Variants in GRIN2A observed in about 807,000 individuals in gnomAD.
The protein encoded by GRIN2A is glutamate receptor ionotropic, NMDA 2A.
In GRIN2A, 22 loss-of-function variants were observed where a neutral mutation model predicts 113.4. The observed-to-expected ratio is 0.19, with a 90% CI of 0.14 to 0.28. The LOEUF is 0.28. GRIN2A is among the 10% of genes least tolerant of loss of function. The pLI is 1.00. For synonymous variants in GRIN2A, 827 were observed against 738.4 expected, an observed-to-expected ratio of 1.12 and a Z score of -1.94; for missense variants, 1,502 against 1,887.0, an observed-to-expected ratio of 0.80 and a Z score of 3.78.
intron 2 of GRIN2A, among the ~76,000 whole-genome samples, chr16:10,056,431 C>T (rs527328061): frequency 5.9e-5 from 9 of 152,254 alleles, no homozygotes; most frequent in African/African-American, 9.6e-5. Context: ...TCCCATTCTA[C>T]ACCTACCCAT....
intron 2 of GRIN2A, among the ~76,000 whole-genome samples, chr16:10,146,397 G>A (rs796701775): frequency 8.5e-5 from 13 of 152,188 alleles, no homozygotes; most frequent in African/African-American, 2.6e-4. Context: ...GAGCCACCAC[G>A]CCCAGCCCAT....
intron 4 of GRIN2A, among the ~76,000 whole-genome samples, chr16:9,873,839 T>G (rs778779141): frequency 6.6e-6 from 1 of 152,196 alleles, no homozygotes; most frequent in East Asian, 1.9e-4. Context: ...CACACTTTAA[T>G]TGTGGAAAGA....
At chr16:10,036,773 A>G (rs1242017258) in intron 2 of GRIN2A, among the ~76,000 whole-genome samples, 1 of 151,884 alleles carries the variant, frequency 6.6e-6, no homozygotes, top group African/African-American at 2.4e-5. Flanking sequence ...GATTGTATGC[A>G]TCTTCATACC....
chr16:9,789,029 A>C (rs894814848), intron 11 of GRIN2A, among the ~76,000 whole-genome samples: 2 of 152,168 alleles, frequency 1.3e-5, no homozygotes, highest in African/African-American at 4.8e-5. Flanking sequence ...GGTGTGAGCC[A>C]CTGCACCCAG....
In GRIN2A at chr16:9,899,853, C is replaced by G. The variant is rs576794648; in HGVS notation, c.1008-8753G>C. On this transcript the variant is annotated intron_variant, in intron 3 of 12. Transcript: ENST00000330684. Reference sequence around the variant, plus strand: ...ATCCTGCACACTAAATATTTGATTCCAGTACAACAACTGCCAAGAGGCAAT... The same window carrying G: ...ATCCTGCACACTAAATATTTGATTCGAGTACAACAACTGCCAAGAGGCAAT... Among the ~76,000 whole-genome samples, 4 of 152,250 alleles carry G rather than the reference C, an allele frequency of 2.6e-5. No individual in the cohort carries two copies. The South Asian group carries it at 8.3e-4, about 32-fold the overall frequency.
chr16:9,832,607 A>T (rs180679035), intron 8 of GRIN2A, among the ~76,000 whole-genome samples: 233 of 152,312 alleles, frequency 1.5e-3, no homozygotes, highest in Non-Finnish European at 2.4e-3. Context: ...GCCTCCTGGC[A>T]CGTAGTACCC....
chr16:9,994,195 C>A (rs1194385176), intron 2 of GRIN2A, among the ~76,000 whole-genome samples: 1 of 152,106 alleles, frequency 6.6e-6, no homozygotes, highest in Non-Finnish European at 1.5e-5. Flanking sequence ...GCTCATTTTT[C>A]CAATTTCCAA....
intron 2 of GRIN2A, among the ~76,000 whole-genome samples, chr16:10,064,234 A>G (rs9935774): frequency 0.095 from 14,463 of 152,178 alleles, 771 homozygotes; most frequent in African/African-American, 0.11. Flanking sequence ...AACAACCCCC[A>G]AAACTAGCCA....
chr16:10,124,193 CA>C (rs540108764), intron 2 of GRIN2A, among the ~76,000 whole-genome samples: 16 of 152,100 alleles, frequency 1.1e-4, no homozygotes, highest in African/African-American at 1.4e-4. Context: ...TTGTGTGTTC[CA>C]AAACCTAGGC....
intron 4 of GRIN2A, among the ~76,000 whole-genome samples, chr16:9,873,503 C>T (rs1011135508): frequency 2.6e-5 from 4 of 151,936 alleles, no homozygotes; most frequent in African/African-American, 7.3e-5. Context: ...GAGTTTGAGA[C>T]CAGCCTGAGA....
chr16:9,958,228 T>C (rs758108340), intron 2 of GRIN2A, among the ~76,000 whole-genome samples: 3 of 152,242 alleles, frequency 2.0e-5, no homozygotes, highest in Non-Finnish European at 4.4e-5. Context: ...GTTGTTATCA[T>C]AATTGCCATT....
intron 2 of GRIN2A, among the ~76,000 whole-genome samples, chr16:10,018,532 T>G (rs543758348): frequency 6.6e-6 from 1 of 152,278 alleles, no homozygotes; most frequent in African/African-American, 2.4e-5. Flanking sequence ...TATAGATGGC[T>G]GAGAGAACCC....
chr16:9,844,460 A>C (rs1303476381), intron 5 of GRIN2A, among the ~76,000 whole-genome samples: 1 of 152,236 alleles, frequency 6.6e-6, no homozygotes, highest in African/African-American at 2.4e-5. Flanking sequence ...TTCCTATTAC[A>C]GCCCTTGTGT....
At position 9,954,740 on chromosome 16, in the gene GRIN2A, A is replaced by T. The variant is rs187819703; in HGVS notation, c.415-16189T>A. On this transcript the variant is annotated intron_variant, in intron 2 of 12. Transcript: ENST00000330684. ...AAACAAAAAGGTTGGGATTTTAATG[A>T]GCCTTCTGCCTCTAAATAAATCTCT... Among the ~76,000 whole-genome samples the T allele has an allele frequency of 4.6e-5, 7 of 152,300 alleles. No individual in the cohort carries two copies. In the East Asian group the frequency reaches 1.4e-3, roughly 29 times the overall value.
chr16:10,051,573 T>C (rs2047360892), intron 2 of GRIN2A, among the ~76,000 whole-genome samples: 1 of 152,236 alleles, frequency 6.6e-6, no homozygotes, highest in Non-Finnish European at 1.5e-5. Flanking sequence ...GAATTAATTC[T>C]GCCTTGCATG....
At chr16:10,144,241 A>G in intron 2 of GRIN2A, among the ~76,000 whole-genome samples, 1 of 152,210 alleles carries the variant, frequency 6.6e-6, no homozygotes, top group East Asian at 1.9e-4. Context: ...TGTTTTTCAT[A>G]TCAGCTGCAT....
chr16:10,140,883 G>A (rs138771806), intron 2 of GRIN2A, among the ~76,000 whole-genome samples: 55 of 152,268 alleles, frequency 3.6e-4, no homozygotes, highest in Middle Eastern at 3.4e-3. Context: ...GTTGGGGTGG[G>A]GAGACATTCC....
chr16:10,133,438 C>G (rs988628593), intron 2 of GRIN2A, among the ~76,000 whole-genome samples: 5 of 152,122 alleles, frequency 3.3e-5, no homozygotes, highest in African/African-American at 1.2e-4. Flanking sequence ...TGAAACCAGT[C>G]TCTACTAAAA....
intron 3 of GRIN2A, among the ~76,000 whole-genome samples, chr16:9,913,459 G>A (rs922272037): frequency 6.6e-6 from 1 of 152,034 alleles, no homozygotes; most frequent in East Asian, 1.9e-4. Flanking sequence ...TTGTATTTTA[G>A]GTCAAATAAG....
Sources: gnomAD v4.1 joint callset for allele counts (sites outside exome capture counted in the v4.1 genomes callset) on GRCh38, gnomAD v4.1.1 for gene constraint, MANE v1.5 for transcripts, NCBI Gene and HGNC (gene_info 2026-07-23, HGNC 2026-07-21) for gene names.